The following CSTF3 variants were observed in gnomAD, a reference collection of about 807,000 sequenced individuals.
CSTF3 encodes cleavage stimulation factor subunit 3, also known as CF-1 77 kDa subunit.
A neutral mutation model predicts 105.8 loss-of-function variants in CSTF3; 29 were observed. That is an observed-to-expected ratio of 0.27 (90% confidence interval 0.20 to 0.37). The LOEUF (loss-of-function observed/expected upper bound fraction) is 0.37, where lower values mean the gene tolerates loss of function less well. Among genes scored for constraint, CSTF3 ranks in the 10% least tolerant of loss-of-function variants. CSTF3 has a pLI of 1.00. For synonymous variants in CSTF3, 252 were observed against 281.9 expected (o/e 0.89, Z 1.06); for missense variants, 357 against 879.3 (o/e 0.41, Z 7.51).
intron 3 of CSTF3, among the ~76,000 whole-genome samples, chr11:33,111,910 T>C (rs990636634): frequency 6.6e-6 from 1 of 152,202 alleles, no homozygotes; most frequent in African/African-American, 2.4e-5. Flanking sequence ...CTTACCACAA[T>C]AGCTATAATC....
chr11:33,090,758 A>T, intron 16 of CSTF3, 31 bp from the exon 17 acceptor site: 1 of 1,463,620 alleles, frequency 6.8e-7, no homozygotes, highest in Non-Finnish European at 9.1e-7. Context: ...TCAATACTTT[A>T]ATTATTCTGG....
Position 33,140,849 on chromosome 11 carries a change from T to C in CSTF3, c.225+818A>G, listed in dbSNP as rs1044964583. 11 of 151,842 alleles carry C rather than the reference T, an allele frequency of 7.2e-5. 1 individual carries two copies. The South Asian group carries it at 1.2e-3, about 17-fold the overall frequency. The allele number at this position is 151,842 out of a possible 1,614,324, so 9.4% of individuals were successfully genotyped here. On this transcript the variant is annotated intron_variant, in intron 3 of 20. Coordinates refer to ENST00000323959, the MANE Select transcript of CSTF3 (RefSeq NM_001326.3). ...ATGTGGATATCAGTTATTTACATCT[T>C]ACCCCTTCCATATCATTAATTTATA...
intron 15 of CSTF3, among the ~76,000 whole-genome samples, chr11:33,094,694 T>A (rs1855200845): frequency 6.6e-6 from 1 of 152,192 alleles, no homozygotes; most frequent in Admixed American, 6.5e-5. Flanking sequence ...GTAGAATCAT[T>A]AAGCTGAAAT....
rs564998098 is a variant in CSTF3, at chr11:33,157,725, T to C, written c.27+3574A>G. ...ATATATTTTAGTAATAAATTTAAGA[T>C]AGTATCAGGTTTATTCTACAAACTT... On this transcript the variant is annotated intron_variant, in intron 1 of 20. Coordinates refer to ENST00000323959, the MANE Select transcript of CSTF3 (RefSeq NM_001326.3). Among the ~76,000 whole-genome samples the C allele has an allele frequency of 2.3e-3, 349 of 152,364 alleles. 1 individual carries two copies. The highest frequency in any genetic ancestry group is 3.4e-3 in the Non-Finnish European group (229 of 68,034).
intron 12 of CSTF3, 111 bp downstream of exon 12, chr11:33,098,923 T>C (rs1273388460): frequency 1.3e-5 from 18 of 1,436,746 alleles, no homozygotes; most frequent in Non-Finnish European, 1.7e-5. Flanking sequence ...TCATTTGGCA[T>C]CATCTCTGTC....
chr11:33,132,344 C>T (rs1299741430), intron 3 of CSTF3, among the ~76,000 whole-genome samples: 1 of 151,992 alleles, frequency 6.6e-6, no homozygotes, highest in Admixed American at 6.6e-5. Flanking sequence ...TAGTTCCCCT[C>T]CCCCATAATA....
intron 3 of CSTF3, chr11:33,136,057 T>G (rs969261588): frequency 6.6e-6 from 1 of 152,512 alleles, no homozygotes. Context: ...TAATTAACAC[T>G]TGCAAATAGA....
chr11:33,118,272 A>C (rs1014444396), intron 3 of CSTF3, among the ~76,000 whole-genome samples: 1 of 151,898 alleles, frequency 6.6e-6, no homozygotes, highest in African/African-American at 2.4e-5. Flanking sequence ...TAGATAAATT[A>C]GACAATACTA....
At chr11:33,108,638 C>T (rs1855349700) in intron 3 of CSTF3, among the ~76,000 whole-genome samples, 1 of 152,086 alleles carries the variant, frequency 6.6e-6, no homozygotes. Context: ...CATACATTTA[C>T]ATATAAATTT....
intron 17 of CSTF3, among the ~76,000 whole-genome samples, chr11:33,088,050 A>G (rs1490676635): frequency 1.3e-5 from 2 of 152,338 alleles, no homozygotes; most frequent in East Asian, 3.9e-4. Flanking sequence ...CACTTTCTCA[A>G]AATTTGTTGA....
intron 3 of CSTF3, among the ~76,000 whole-genome samples, chr11:33,109,225 G>A (rs1418992765): frequency 6.6e-6 from 1 of 152,222 alleles, no homozygotes; most frequent in Non-Finnish European, 1.5e-5. Flanking sequence ...CAGAGTGGGT[G>A]GGGTTAGGTG....
At chr11:33,119,618 C>G (rs1855466705) in intron 3 of CSTF3, among the ~76,000 whole-genome samples, 1 of 151,710 alleles carries the variant, frequency 6.6e-6, no homozygotes, top group Non-Finnish European at 1.5e-5. Context: ...TAGCCCATTT[C>G]CTCATTCTAT....
At chr11:33,142,926 T>C (rs1250157115) in intron 1 of CSTF3, among the ~76,000 whole-genome samples, 2 of 151,754 alleles carry the variant, frequency 1.3e-5, no homozygotes, top group South Asian at 2.1e-4. Context: ...AGATTAGGAG[T>C]GAAAAAGGGC....
At chr11:33,123,331 T>C (rs527700119) in intron 3 of CSTF3, among the ~76,000 whole-genome samples, 3 of 152,262 alleles carry the variant, frequency 2.0e-5, no homozygotes, top group South Asian at 2.1e-4. Flanking sequence ...TTTTTACTTA[T>C]AAGTACTGGC....
intron 3 of CSTF3, among the ~76,000 whole-genome samples, chr11:33,126,412 C>T (rs965461350): frequency 1.3e-5 from 2 of 151,614 alleles, no homozygotes; most frequent in Admixed American, 1.3e-4. Flanking sequence ...TTCAAGCGAC[C>T]GCACTCCAGC....
intron 16 of CSTF3, 59 bp downstream of exon 16, chr11:33,092,212 C>T (rs896105222): frequency 3.3e-6 from 4 of 1,226,122 alleles, no homozygotes; most frequent in Non-Finnish European, 4.6e-6. Flanking sequence ...CCATAGACCA[C>T]AATTCAGGTA....
intron 1 of CSTF3, among the ~76,000 whole-genome samples, chr11:33,152,619 C>T (rs1849802578): frequency 6.6e-6 from 1 of 152,116 alleles, no homozygotes; most frequent in East Asian, 1.9e-4. Flanking sequence ...TGTACTATTC[C>T]AACTATTCTC....
chr11:33,160,308 T>C (rs1849923381), intron 1 of CSTF3, among the ~76,000 whole-genome samples: 1 of 152,032 alleles, frequency 6.6e-6, no homozygotes, highest in Non-Finnish European at 1.5e-5. Flanking sequence ...AACGCTCCTA[T>C]TTTGCCTCAT....
At chr11:33,128,484 A>T (rs1422110579) in intron 3 of CSTF3, among the ~76,000 whole-genome samples, 1 of 152,130 alleles carries the variant, frequency 6.6e-6, no homozygotes, top group East Asian at 1.9e-4. Context: ...AGGGCCCAGA[A>T]TTATAAATGA....
Sources: allele counts gnomAD v4.1 joint callset (sites outside exome capture counted in the v4.1 genomes callset), GRCh38; gene constraint gnomAD v4.1.1; transcripts MANE v1.5; gene names NCBI Gene and HGNC (gene_info 2026-07-23, HGNC 2026-07-21).